Variants in MED13 observed in about 807,000 individuals in gnomAD.
The protein encoded by MED13 is mediator of RNA polymerase II transcription subunit 13.
In MED13, 23 loss-of-function variants were observed where a neutral mutation model predicts 225.2. The observed-to-expected ratio is 0.10, with a 90% CI of 0.07 to 0.14. MED13 has a LOEUF of 0.14. Among genes scored for constraint, MED13 ranks in the 10% least tolerant of loss-of-function variants. The probability of loss-of-function intolerance (pLI) is 1.00; values close to 1 mark genes in which losing one functional copy is unlikely to be tolerated. For missense variants in MED13, 2,197 were observed against 2,594.5 expected, an observed-to-expected ratio of 0.85 and a Z score of 3.33; for synonymous variants, 942 against 889.2, an observed-to-expected ratio of 1.06 and a Z score of -1.06.
At chr17:62,049,518 CTTTA>C (rs1366332540) in intron 3 of MED13, among the ~76,000 whole-genome samples, 2 of 152,082 alleles carry the variant, frequency 1.3e-5, no homozygotes, top group Non-Finnish European at 2.9e-5. Flanking sequence ...TACAACAAAA[CTTTA>C]TTTACAAAAA....
intron 18 of MED13, among the ~76,000 whole-genome samples, 179 bp from the exon 19 acceptor site, chr17:61,966,830 G>A (rs562783775): frequency 6.6e-6 from 1 of 152,212 alleles, no homozygotes; most frequent in South Asian, 2.1e-4. Context: ...TATCAAGGGT[G>A]AAATGGTGCC....
rs532370540 is a variant in MED13 at position 62,019,441 on chromosome 17, A to G, written c.1284-8208T>C. Among the ~76,000 whole-genome samples the G allele has an allele frequency of 1.1e-4, 17 of 152,296 alleles. No homozygotes were observed. The East Asian group carries it at 2.3e-3, about 21-fold the overall frequency. On this transcript the variant is annotated intron_variant, in intron 8 of 29. Transcript: ENST00000397786. ...CTTCGGTAATTTTTTAAGACTGTAA[A>G]TAAGTTCTGAGACAAAAAAGTTTGA...
chr17:62,047,232 G>A (rs905384787), intron 3 of MED13, among the ~76,000 whole-genome samples: 4 of 151,952 alleles, frequency 2.6e-5, no homozygotes, highest in Non-Finnish European at 4.4e-5. Context: ...TTAGCCGGGC[G>A]TGCTGGTGGG....
rs569972837 is a variant in MED13 at position 62,011,457 on chromosome 17, A to G, written c.1284-224T>C. 3.9e-5 allele frequency among the ~76,000 whole-genome samples: 6 copies of G among 152,372 alleles called. No individual in the cohort carries two copies. The East Asian group carries it at 1.2e-3, about 29-fold the overall frequency. The stretch of plus-strand genomic sequence containing the variant: ...CATAAAAGCCAATTATCTCATGCTC[A>G]TTTAATAGCCATGTGATCAGACAGC... On this transcript the variant is annotated intron_variant, in intron 8 of 29. Coordinates refer to ENST00000397786, the MANE Select transcript of MED13 (RefSeq NM_005121.3).
Position 61,982,498 on chromosome 17 carries a change from T to C in MED13, c.3505A>G (p.Thr1169Ala), listed in dbSNP as rs771749389. 28 of 1,614,114 alleles carry C rather than the reference T, an allele frequency of 1.7e-5. No homozygotes were observed. The highest frequency in any genetic ancestry group is 5.0e-5 in the Admixed American group (3 of 60,006). The change falls in exon 16 of 30, where the codon ACC becomes GCC. Residue 1169 changes from threonine to alanine, a missense_variant. This residue lies in a region of MED13 where 203 missense variants were observed against 209.7 expected (regional missense o/e 0.97). Coordinates refer to ENST00000397786, the MANE Select transcript of MED13 (RefSeq NM_005121.3). ...CCTCCATTAACATGTTCAGCAGAGG[T>C]AGCCCTGAGAGCTTCAAAACGTTTT... ...AEKRFEALRATSAEHVNGGLK... is the reference protein window; with the variant it reads ...AEKRFEALRAASAEHVNGGLK...
At chr17:61,947,040 ATCAG>A (rs369350567) in intron 28 of MED13, 23 bp from the exon 29 acceptor site, 20 of 1,533,370 alleles carry the variant, frequency 1.3e-5, no homozygotes, top group Middle Eastern at 3.4e-4. Flanking sequence ...CAGGTAATCA[ATCAG>A]TCAGCCAAAC....
intron 11 of MED13, among the ~76,000 whole-genome samples, chr17:61,989,532 T>C (rs1355309116): frequency 6.6e-6 from 1 of 151,934 alleles, no homozygotes; most frequent in Non-Finnish European, 1.5e-5. Flanking sequence ...GAAACGGAGT[T>C]TTGCCATGTT....
chr17:62,004,089 A>ACAT (rs1203361853), intron 9 of MED13: 2 of 152,206 alleles, frequency 1.3e-5, no homozygotes, highest in African/African-American at 4.8e-5. Flanking sequence ...TCATACCACC[A>ACAT]CATTTTTACA....
At chr17:62,032,190 C>A (rs559034073) in intron 5 of MED13, among the ~76,000 whole-genome samples, 1 of 151,404 alleles carries the variant, frequency 6.6e-6, no homozygotes, top group Admixed American at 6.6e-5. Context: ...ACAAAAAAAA[C>A]AGGCCAGGAG....
intron 16 of MED13, among the ~76,000 whole-genome samples, chr17:61,978,160 T>C (rs1363995016): frequency 6.6e-6 from 1 of 152,156 alleles, no homozygotes; most frequent in Non-Finnish European, 1.5e-5. Flanking sequence ...CCTTTTTTTT[T>C]TTTTCTTCAG....
intron 10 of MED13, among the ~76,000 whole-genome samples, chr17:61,994,111 G>A (rs574833815): frequency 1.2e-4 from 18 of 151,754 alleles, no homozygotes; most frequent in African/African-American, 4.4e-4. Flanking sequence ...CGATTCTCCT[G>A]TGTCAGCCTC....
At position 61,953,037 on chromosome 17, in the gene MED13, AAGGATATTAAT is replaced by A; in HGVS notation, c.6034_6044del (p.Ile2012SerfsTer21). On this transcript the variant is annotated frameshift_variant, in exon 27 of 30. Coordinates refer to ENST00000397786, the MANE Select transcript of MED13 (RefSeq NM_005121.3). LOFTEE classifies it high-confidence loss of function. ...CAGGAGAACCAGTTGGAGAAGCAGG[AAGGATATTAAT>A]GATATCAGGGTCAAGATCATCTCCT... The A allele has an allele frequency of 6.2e-7, 1 of 1,613,950 alleles. No individual in the cohort carries two copies.
At chr17:61,976,958 A>G (rs2080162293) in intron 16 of MED13, among the ~76,000 whole-genome samples, 1 of 152,136 alleles carries the variant, frequency 6.6e-6, no homozygotes, top group African/African-American at 2.4e-5. Flanking sequence ...AAAAAACAGA[A>G]AAAATACATA....
In MED13 at chr17:62,044,918, TC is replaced by T. The variant is rs752749241; in HGVS notation, c.470+7618del. Among the ~76,000 whole-genome samples the T allele has an allele frequency of 1.4e-4, 22 of 152,254 alleles. 1 individual carries two copies. Among genetic ancestry groups the T allele is most frequent in the Non-Finnish European group, 1.3e-4 (9 of 68,046 alleles). ...CTCAAGTGATCTGCCTGCCTTGGCC[TC>T]CCAAAGTGCTGGGATTACAGGCATG... On this transcript the variant is annotated intron_variant, in intron 3 of 29. Transcript: ENST00000397786.
At position 62,020,184 on chromosome 17, in the gene MED13, T is replaced by C. The variant is rs1210151988; in HGVS notation, c.1284-8951A>G. ...TGATGTTAGGTATGCAGTACTTTAA[T>C]GTTAACATGAGAAATTTAATGTATT... On this transcript the variant is annotated intron_variant, in intron 8 of 29. Coordinates refer to ENST00000397786, the MANE Select transcript of MED13 (RefSeq NM_005121.3). Among the ~76,000 whole-genome samples, 3 of 152,224 alleles carry C rather than the reference T, an allele frequency of 2.0e-5. No homozygotes were observed. The East Asian group carries it at 5.8e-4, about 29-fold the overall frequency.
At chr17:61,950,320 C>T (rs1377826789) in intron 28 of MED13, among the ~76,000 whole-genome samples, 1 of 151,274 alleles carries the variant, frequency 6.6e-6, no homozygotes, top group East Asian at 1.9e-4. Context: ...TCTACACTAA[C>T]AACAAGGGCC....
rs146946339 is a variant in MED13, at chr17:61,971,649, T to G, written c.3967+1078A>C. 3.4e-3 allele frequency among the ~76,000 whole-genome samples: 521 copies of G among 152,290 alleles called. 2 individuals carry two copies. The highest frequency in any genetic ancestry group is 0.011 in the African/African-American group (469 of 41,552). On this transcript the variant is annotated intron_variant, in intron 17 of 29. Coordinates refer to ENST00000397786, the MANE Select transcript of MED13 (RefSeq NM_005121.3). ...TAAAAGTTTATACTAAAATATATTTTCTGGCCGGGCACAGTGGCTCATGCC... is the reference window on the plus strand; with the variant it reads ...TAAAAGTTTATACTAAAATATATTTGCTGGCCGGGCACAGTGGCTCATGCC...
rs1567988716 is a variant in MED13, at chr17:62,029,839, G to GA, written c.1172+11dup. The GA allele has an allele frequency of 6.4e-7, 1 of 1,573,584 alleles. No homozygotes were observed. The highest frequency in any genetic ancestry group is 8.6e-7 in the Non-Finnish European group (1 of 1,161,226). On this transcript the variant is annotated intron_variant, in intron 7 of 29. Transcript: ENST00000397786. Reference sequence around the variant, plus strand: ...ACATGCAATTTTTGAACTTATAAATGAAAATACACACTTGTTCTGTGCTCT... The same window carrying GA: ...ACATGCAATTTTTGAACTTATAAATGAAAAATACACACTTGTTCTGTGCTCT...
At chr17:61,991,823 T>C (rs2080302029) in intron 11 of MED13, among the ~76,000 whole-genome samples, 1 of 152,060 alleles carries the variant, frequency 6.6e-6, no homozygotes. Flanking sequence ...TTTGTATTTT[T>C]TTAGTAGGGA....
Sources: allele counts gnomAD v4.1 joint callset (sites outside exome capture counted in the v4.1 genomes callset), GRCh38; gene constraint gnomAD v4.1.1; regional missense constraint gnomAD v4.1.1; transcripts MANE v1.5; gene names NCBI Gene and HGNC (gene_info 2026-07-23, HGNC 2026-07-21).